The following CA8 variants were observed in gnomAD, a reference collection of about 807,000 sequenced individuals.
CA8 encodes carbonic anhydrase-related protein.
A neutral mutation model predicts 41.4 loss-of-function variants in CA8; 22 were observed. The ratio of observed to expected loss-of-function variants is 0.53; its 90% CI spans 0.38 to 0.76. CA8 has a LOEUF of 0.76. CA8 is among the 30% of genes least tolerant of loss of function. CA8 has a pLI of 0.00. For synonymous variants in CA8, 121 were observed against 130.6 expected (o/e 0.93, Z 0.50); for missense variants, 270 against 352.8 (o/e 0.77, Z 1.88).
chr8:60,240,486 T>G (rs1412431453), intron 3 of CA8, among the ~76,000 whole-genome samples: 1 of 152,230 alleles, frequency 6.6e-6, no homozygotes, highest in African/African-American at 2.4e-5. Context: ...TTCTTAATGG[T>G]TAAAAGTAAA....
At chr8:60,216,703 A>G (rs1807034565) in intron 7 of CA8, among the ~76,000 whole-genome samples, 1 of 152,188 alleles carries the variant, frequency 6.6e-6, no homozygotes, top group South Asian at 2.1e-4. Flanking sequence ...TACACTGGCC[A>G]GTATAGTAGT....
At chr8:60,234,589 G>A (rs1807766484) in intron 3 of CA8, among the ~76,000 whole-genome samples, 2 of 152,152 alleles carry the variant, frequency 1.3e-5, no homozygotes, top group East Asian at 3.9e-4. Context: ...AAAATTAAGA[G>A]AAATGCTGGC....
In CA8 at chr8:60,224,545, A is replaced by G. The variant is rs1807360382; in HGVS notation, c.617T>C (p.Leu206Ser). The change falls in exon 6 of 9, where the codon TTA (leucine) becomes TCA (serine). Residue 206 changes from leucine to serine, a missense_variant. Leu to Ser is a moderately radical substitution (Grantham distance 145). Transcript: ENST00000317995. ...KTIPCFNPNTLLPDPLLRDYW... is the reference protein window; with the variant it reads ...KTIPCFNPNTSLPDPLLRDYW... ...ATCAGGTAAATACTCACCTGGTAAT[A>G]AAGTGTTAGGATTAAAGCAAGGTAT... 1 of 1,577,016 alleles carries G rather than the reference A, an allele frequency of 6.3e-7. No individual in the cohort carries two copies. The highest frequency in any genetic ancestry group is 8.7e-7 in the Non-Finnish European group (1 of 1,147,084).
At chr8:60,238,582 G>A (rs1030715386) in intron 3 of CA8, among the ~76,000 whole-genome samples, 25 of 152,104 alleles carry the variant, frequency 1.6e-4, no homozygotes, top group Middle Eastern at 3.4e-3. Flanking sequence ...TGGGACCCCC[G>A]TGCCTTTATC....
intron 4 of CA8, among the ~76,000 whole-genome samples, chr8:60,228,922 T>C (rs1042851585): frequency 4.6e-5 from 7 of 152,184 alleles, no homozygotes; most frequent in African/African-American, 1.2e-4. Flanking sequence ...CTTGCCAAAT[T>C]TGTGTATGAA....
intron 8 of CA8, among the ~76,000 whole-genome samples, chr8:60,199,383 A>C (rs1268732842): frequency 6.6e-6 from 1 of 152,188 alleles, no homozygotes; most frequent in Non-Finnish European, 1.5e-5. Context: ...TTCTTGAGAT[A>C]CAATTCCACT....
intron 3 of CA8, among the ~76,000 whole-genome samples, chr8:60,263,189 G>A (rs1010158769): frequency 1.3e-5 from 2 of 151,944 alleles, no homozygotes; most frequent in African/African-American, 4.8e-5. Flanking sequence ...CTGGTGTGCT[G>A]GCATGCACCT....
At chr8:60,201,721 C>T (rs902560702) in intron 8 of CA8, among the ~76,000 whole-genome samples, 12 of 151,970 alleles carry the variant, frequency 7.9e-5, no homozygotes, top group Non-Finnish European at 1.8e-4. Flanking sequence ...ATAAATATGA[C>T]GTTCACAGAA....
chr8:60,216,398 C>T (rs976092729), intron 7 of CA8, among the ~76,000 whole-genome samples: 3 of 152,208 alleles, frequency 2.0e-5, no homozygotes, highest in African/African-American at 7.2e-5. Flanking sequence ...TGAACAGATG[C>T]TATGATGGAG....
chr8:60,250,685 C>T (rs1397877289), intron 3 of CA8, among the ~76,000 whole-genome samples: 4 of 152,202 alleles, frequency 2.6e-5, no homozygotes, highest in African/African-American at 7.2e-5. Context: ...AAGTGATTTC[C>T]GCATATCTTT....
At chr8:60,190,474 T>TAC (rs1806088048) in intron 8 of CA8, among the ~76,000 whole-genome samples, 1 of 109,950 alleles carries the variant, frequency 9.1e-6, no homozygotes, top group Non-Finnish European at 1.9e-5. Context: ...TATATATATA[T>TAC]ATGACAATAG....
At position 60,194,801 on chromosome 8, in the gene CA8, T is replaced by C. The variant is rs568691630; in HGVS notation, c.*36-4816A>G. Among the ~76,000 whole-genome samples, 8 of 152,300 alleles carry C rather than the reference T, an allele frequency of 5.3e-5. No individual in the cohort carries two copies. In the South Asian group the frequency reaches 8.3e-4, roughly 16 times the overall value. ...CCATCTGCTTCCAGCTTCCAAAGTA[T>C]TGTGGCTGTTGTCTCCTCTCTTGCT... is the stretch of plus-strand genomic sequence containing the variant. On this transcript the variant is annotated intron_variant, in intron 8 of 8. Coordinates refer to ENST00000317995, the MANE Select transcript of CA8 (RefSeq NM_004056.6).
intron 4 of CA8, among the ~76,000 whole-genome samples, chr8:60,228,686 TCAAA>T (rs1431423945): frequency 1.3e-5 from 2 of 152,176 alleles, no homozygotes; most frequent in Non-Finnish European, 2.9e-5. Flanking sequence ...TAAGATTAAA[TCAAA>T]CAAAGACTGT....
chr8:60,189,393 T>C lies in CA8; in HGVS notation c.*628A>G, dbSNP rs997653785. 6.6e-6 allele frequency: 1 copy of C among 152,188 alleles called. No homozygotes were observed. Among genetic ancestry groups the C allele is most frequent in the African/African-American group, 2.4e-5 (1 of 41,464 alleles). 9.4% of individuals were successfully genotyped at this position (152,188 alleles called of 1,614,324 possible). On this transcript the variant is annotated 3_prime_UTR_variant, in exon 9 of 9. Transcript: ENST00000317995. ...TCAGTTAAATCCTTCAACTATGTAG[T>C]AATACCTAAAGTGAGTATTATGTTG...
chr8:60,208,764 A>G lies in CA8; in HGVS notation c.*21T>C. ...TCTGGACATACCCTCATGAAGACAG[A>G]CTTGTTCCTGTCCTCTTTGGCTACT... On this transcript the variant is annotated 3_prime_UTR_variant, in exon 8 of 9. Coordinates refer to ENST00000317995, the MANE Select transcript of CA8 (RefSeq NM_004056.6). The G allele has an allele frequency of 6.2e-7, 1 of 1,614,040 alleles. No individual in the cohort carries two copies. Among genetic ancestry groups the G allele is most frequent in the Non-Finnish European group, 8.5e-7 (1 of 1,179,952 alleles).
intron 8 of CA8, among the ~76,000 whole-genome samples, chr8:60,194,788 A>G (rs1418497043): frequency 6.6e-6 from 1 of 152,118 alleles, no homozygotes. Context: ...ATCTGCTTCC[A>G]GCTTCCAAAG....
intron 8 of CA8, among the ~76,000 whole-genome samples, chr8:60,196,901 T>C (rs142947587): frequency 1.6e-4 from 25 of 152,238 alleles, no homozygotes; most frequent in African/African-American, 5.3e-4. Flanking sequence ...TGCACATGAA[T>C]ACACAGATAA....
chr8:60,262,531 T>G (rs1298797765), intron 3 of CA8, among the ~76,000 whole-genome samples: 1 of 152,160 alleles, frequency 6.6e-6, no homozygotes, highest in Admixed American at 6.5e-5. Context: ...AATATCACAA[T>G]GCAAAACACC....
At chr8:60,199,642 G>C (rs1390550678) in intron 8 of CA8, among the ~76,000 whole-genome samples, 4 of 152,032 alleles carry the variant, frequency 2.6e-5, no homozygotes, top group Non-Finnish European at 4.4e-5. Flanking sequence ...CAAACTTCTT[G>C]ACTGGAGAAA....
Sources: gnomAD v4.1 joint callset for allele counts (sites outside exome capture counted in the v4.1 genomes callset) on GRCh38, gnomAD v4.1.1 for gene constraint, MANE v1.5 for transcripts, NCBI Gene and HGNC (gene_info 2026-07-23, HGNC 2026-07-21) for gene names.